The following PDE4D variants were observed in gnomAD, a reference collection of about 807,000 sequenced individuals.
PDE4D encodes 3',5'-cyclic-AMP phosphodiesterase 4D.
In PDE4D, 24 loss-of-function variants were observed where a neutral mutation model predicts 87.4. The ratio of observed to expected loss-of-function variants is 0.27; its 90% CI spans 0.20 to 0.39. PDE4D has a LOEUF of 0.39. PDE4D is among the 10% of genes least tolerant of loss of function. PDE4D has a pLI of 1.00. For missense variants in PDE4D, 714 were observed against 1,041.0 expected (o/e 0.69, Z 4.32); for synonymous variants, 384 against 383.2 (o/e 1.00, Z -0.02).
chr5:59,305,343 G>A (rs544083851), intron 1 of PDE4D, among the ~76,000 whole-genome samples: 13 of 149,542 alleles, frequency 8.7e-5, no homozygotes, highest in African/African-American at 3.2e-4. Flanking sequence ...CAAAGAACCA[G>A]GTTTTGTTTC....
At chr5:59,165,666 C>T (rs1561606972) in intron 5 of PDE4D, among the ~76,000 whole-genome samples, 1 of 152,152 alleles carries the variant, frequency 6.6e-6, no homozygotes, top group Non-Finnish European at 1.5e-5. Flanking sequence ...GAATTTCAGG[C>T]TCTGGAAGGT....
At chr5:59,017,681 T>C (rs1218894424) in intron 6 of PDE4D, among the ~76,000 whole-genome samples, 1 of 152,146 alleles carries the variant, frequency 6.6e-6, no homozygotes, top group Non-Finnish European at 1.5e-5. Flanking sequence ...GTTTTTAGAA[T>C]AGTCCAATAA....
rs937127376 is a variant in PDE4D at position 60,461,108 on chromosome 5, TAGA to T, written c.-90+26831_-90+26833del. On this transcript the variant is annotated intron_variant, in intron 1 of 16. Coordinates refer to the PDE4D transcript ENST00000502484. The stretch of plus-strand genomic sequence containing the variant: ...TATTTTCCCTGATCTAAATTAATAT[TAGA>T]AGGAGAATGAGTGCTCTCAAAAAAT... Among the ~76,000 whole-genome samples the T allele has an allele frequency of 7.5e-4, 114 of 152,202 alleles. 1 individual carries two copies. Among genetic ancestry groups the T allele is most frequent in the African/African-American group, 2.7e-3 (113 of 41,560 alleles).
At chr5:60,338,232 A>C (rs2149889960) in intron 1 of PDE4D, among the ~76,000 whole-genome samples, 2 of 152,292 alleles carry the variant, frequency 1.3e-5, no homozygotes, top group Non-Finnish European at 2.9e-5. Flanking sequence ...CTGGAGGAGA[A>C]AAAAGTAGAC....
intron 1 of PDE4D, among the ~76,000 whole-genome samples, chr5:59,379,113 C>G (rs1254378743): frequency 1.3e-5 from 2 of 152,038 alleles, no homozygotes; most frequent in Non-Finnish European, 2.9e-5. Context: ...TCTTCACTGC[C>G]TAGTGCACGG....
At chr5:59,952,783 C>T (rs188607278) in intron 3 of PDE4D, among the ~76,000 whole-genome samples, 4 of 152,190 alleles carry the variant, frequency 2.6e-5, no homozygotes, top group Non-Finnish European at 5.9e-5. Flanking sequence ...ACTGAAGTCT[C>T]TAGCCCACAG....
intron 1 of PDE4D, among the ~76,000 whole-genome samples, chr5:60,239,891 T>TTTTTTTTTC (rs1746881800): frequency 6.6e-6 from 1 of 152,110 alleles, no homozygotes; most frequent in African/African-American, 2.4e-5. Flanking sequence ...CAATTAGGTT[T>TTTTTTTTTC]CTCTCTTTTC....
chr5:60,439,928 CAA>C (rs1204966264), intron 1 of PDE4D, among the ~76,000 whole-genome samples: 1 of 119,550 alleles, frequency 8.4e-6, no homozygotes, highest in African/African-American at 3.7e-5. Context: ...AAAAAAAAAA[CAA>C]AAAAAAAAAA....
At chr5:60,322,005 C>G (rs529614247) in intron 1 of PDE4D, among the ~76,000 whole-genome samples, 1 of 151,718 alleles carries the variant, frequency 6.6e-6, no homozygotes, top group African/African-American at 2.4e-5. Context: ...GTAATTTCTC[C>G]GAGAAATTAA....
At chr5:59,875,460 CAAAAAAAAAAAAAAAAA>C (rs3062667) in intron 1 of PDE4D, among the ~76,000 whole-genome samples, 6 of 39,688 alleles carry the variant, frequency 1.5e-4, no homozygotes, top group Admixed American at 1.3e-3. Flanking sequence ...ACCTCCGTCT[CAAAAAAAAAAAAAAAAA>C]AAAAAAAAAA....
intron 1 of PDE4D, among the ~76,000 whole-genome samples, chr5:59,815,055 G>T (rs918490174): frequency 6.6e-6 from 1 of 152,168 alleles, no homozygotes; most frequent in Non-Finnish European, 1.5e-5. Context: ...CAAGGAAATA[G>T]ACATCCCATC....
At chr5:59,965,744 T>C (rs11741624) in intron 3 of PDE4D, among the ~76,000 whole-genome samples, 8 of 152,182 alleles carry the variant, frequency 5.3e-5, no homozygotes, top group Non-Finnish European at 1.2e-4. Flanking sequence ...CTAAAGTTAC[T>C]AAGTCTAAAT....
chr5:59,419,826 CTT>C (rs1161030870), intron 1 of PDE4D, among the ~76,000 whole-genome samples: 1 of 152,178 alleles, frequency 6.6e-6, no homozygotes, highest in Non-Finnish European at 1.5e-5. Flanking sequence ...GGAGTCATCT[CTT>C]AGATTATGTG....
chr5:59,144,462 C>A (rs772711306), intron 5 of PDE4D, among the ~76,000 whole-genome samples: 7 of 151,970 alleles, frequency 4.6e-5, no homozygotes, highest in African/African-American at 1.7e-4. Flanking sequence ...AAAGGGTAAA[C>A]GTATGTCTCC....
At chr5:59,133,142 C>T (rs1318461665) in intron 5 of PDE4D, among the ~76,000 whole-genome samples, 1 of 152,028 alleles carries the variant, frequency 6.6e-6, no homozygotes, top group Non-Finnish European at 1.5e-5. Flanking sequence ...AAAATGCTGT[C>T]ACATGCATGA....
chr5:60,347,943 G>A (rs575261888), intron 1 of PDE4D, among the ~76,000 whole-genome samples: 5 of 152,226 alleles, frequency 3.3e-5, no homozygotes, highest in East Asian at 1.9e-4. Flanking sequence ...GTTTTCTGCC[G>A]TTTTTGGAGT....
At chr5:59,590,730 C>T (rs1825813768) in intron 1 of PDE4D, among the ~76,000 whole-genome samples, 1 of 151,914 alleles carries the variant, frequency 6.6e-6, no homozygotes, top group Non-Finnish European at 1.5e-5. Context: ...ATTTTAATCC[C>T]ACAGCAAGCA....
intron 1 of PDE4D, among the ~76,000 whole-genome samples, chr5:59,811,427 C>A (rs776576144): frequency 1.3e-5 from 2 of 152,194 alleles, no homozygotes; most frequent in Non-Finnish European, 2.9e-5. Context: ...TGTCCTCAGT[C>A]GCCATTTTAA....
In PDE4D at chr5:60,378,014, C is replaced by T. The variant is rs114096803; in HGVS notation, c.-90+109928G>A. ...CACTCTTGGAAGTGATGACTACATCCTTTGAGTGCTAGAATAGAACTATAT... is the reference window on the plus strand; with the variant it reads ...CACTCTTGGAAGTGATGACTACATCTTTTGAGTGCTAGAATAGAACTATAT... On this transcript the variant is annotated intron_variant, in intron 1 of 16. Transcript: ENST00000502484. Among the ~76,000 whole-genome samples the T allele has an allele frequency of 2.7e-3, 412 of 152,258 alleles. 2 individuals are homozygous for T. The highest frequency in any genetic ancestry group is 9.3e-3 in the African/African-American group (388 of 41,566).
Sources: gnomAD v4.1 joint callset for allele counts (sites outside exome capture counted in the v4.1 genomes callset) on GRCh38, gnomAD v4.1.1 for gene constraint, MANE v1.5 for transcripts, NCBI Gene and HGNC (gene_info 2026-07-23, HGNC 2026-07-21) for gene names.